The following PTPRN2 variants were observed in gnomAD, a reference collection of about 807,000 sequenced individuals.
The protein encoded by PTPRN2 is protein tyrosine phosphatase receptor type N2.
A neutral mutation model predicts 118.8 loss-of-function variants in PTPRN2; 74 were observed. The observed-to-expected ratio is 0.62, with a 90% CI of 0.52 to 0.76. The LOEUF (loss-of-function observed/expected upper bound fraction) is 0.76, where lower values mean the gene tolerates loss of function less well. PTPRN2 is among the 30% of genes least tolerant of loss of function. The probability of loss-of-function intolerance (pLI) is 0.00; values close to 1 mark genes in which losing one functional copy is unlikely to be tolerated. For synonymous variants in PTPRN2, 641 were observed against 608.0 expected (o/e 1.05, Z -0.80); for missense variants, 1,481 against 1,394.4 (o/e 1.06, Z -0.99).
chr7:158,085,591 GATACCCATCCAC>G (rs1813304673), intron 10 of PTPRN2, among the ~76,000 whole-genome samples: 1 of 63,930 alleles, frequency 1.6e-5, no homozygotes. Flanking sequence ...CGCCCATCCA[GATACCCATCCAC>G]ACCCACGACG....
At chr7:157,681,796 A>T (rs965098355) in intron 13 of PTPRN2, among the ~76,000 whole-genome samples, 4 of 152,256 alleles carry the variant, frequency 2.6e-5, no homozygotes, top group Admixed American at 2.0e-4. Flanking sequence ...ATACGACTGT[A>T]AAAATGATGA....
At chr7:158,154,904 C>T (rs10249331) in intron 6 of PTPRN2, among the ~76,000 whole-genome samples, 94,420 of 152,016 alleles carry the variant, frequency 0.62, 30,356 homozygotes, top group East Asian at 0.79. Flanking sequence ...GAAGCATCCA[C>T]TACCTGCCAT....
At chr7:158,430,204 C>G (rs1816055466) in intron 2 of PTPRN2, among the ~76,000 whole-genome samples, 1 of 152,216 alleles carries the variant, frequency 6.6e-6, no homozygotes, top group Non-Finnish European at 1.5e-5. Flanking sequence ...CCACGCCCAG[C>G]TGGGACATGA....
intron 21 of PTPRN2, among the ~76,000 whole-genome samples, chr7:157,559,698 C>A (rs1255271711): frequency 2.6e-5 from 4 of 152,266 alleles, no homozygotes; most frequent in East Asian, 3.9e-4. Flanking sequence ...CCAACGGGAA[C>A]CTTGGAGGGC....
intron 6 of PTPRN2, among the ~76,000 whole-genome samples, chr7:158,156,010 G>A (rs1342669763): frequency 6.6e-6 from 1 of 152,190 alleles, no homozygotes. Flanking sequence ...ATGCCAGCAT[G>A]TTGTCTATTT....
In PTPRN2 at chr7:157,947,726, T is replaced by A. The variant is rs566527701; in HGVS notation, c.1724-48989A>T. ...TCCAAGAAGCTCAACTAACTCCAAG[T>A]AGAATTGATTCAAAGAGATCCATGC... On this transcript the variant is annotated intron_variant, in intron 11 of 22. Coordinates refer to ENST00000389418, the MANE Select transcript of PTPRN2 (RefSeq NM_002847.5). Among the ~76,000 whole-genome samples the A allele has an allele frequency of 1.4e-3, 216 of 152,288 alleles. 8 individuals carry two copies. The South Asian group carries it at 0.043, about 30-fold the overall frequency.
At chr7:157,704,203 C>A (rs1287958725) in intron 12 of PTPRN2, among the ~76,000 whole-genome samples, 1 of 152,222 alleles carries the variant, frequency 6.6e-6, no homozygotes, top group Non-Finnish European at 1.5e-5. Flanking sequence ...GCCTCAGTTT[C>A]TCTCCCTGAA....
intron 11 of PTPRN2, among the ~76,000 whole-genome samples, chr7:157,989,601 G>A (rs1292480608): frequency 1.3e-5 from 2 of 151,976 alleles, no homozygotes; most frequent in East Asian, 3.9e-4. Flanking sequence ...GTGCGTCTAA[G>A]GGGTGGAGGG....
chr7:158,576,376 C>T (rs1828316126), intron 1 of PTPRN2, among the ~76,000 whole-genome samples: 1 of 152,216 alleles, frequency 6.6e-6, no homozygotes, highest in Non-Finnish European at 1.5e-5. Context: ...TGCCTCAAAG[C>T]CTTTTTTAAG....
At chr7:157,848,332 T>C (rs1434153742) in intron 12 of PTPRN2, among the ~76,000 whole-genome samples, 1 of 150,746 alleles carries the variant, frequency 6.6e-6, no homozygotes. Flanking sequence ...CCTCTCTCAC[T>C]CCCTCATGGG....
chr7:158,326,008 G>T (rs1205995612), intron 2 of PTPRN2, among the ~76,000 whole-genome samples: 2 of 152,200 alleles, frequency 1.3e-5, no homozygotes, highest in Non-Finnish European at 2.9e-5. Context: ...CCCAGGCACT[G>T]AACCCAGAGC....
chr7:157,926,412 T>C (rs1365312826), intron 11 of PTPRN2, among the ~76,000 whole-genome samples: 2 of 152,266 alleles, frequency 1.3e-5, no homozygotes, highest in Non-Finnish European at 2.9e-5. Context: ...ATCTACTATG[T>C]GCCAGTTCTG....
At chr7:157,860,142 T>C (rs1488658164) in intron 12 of PTPRN2, among the ~76,000 whole-genome samples, 1 of 152,188 alleles carries the variant, frequency 6.6e-6, no homozygotes, top group African/African-American at 2.4e-5. Flanking sequence ...AGCAGCCCAC[T>C]GGGGGAGCCT....
intron 12 of PTPRN2, among the ~76,000 whole-genome samples, chr7:157,870,502 T>C (rs1351548459): frequency 6.6e-6 from 1 of 152,262 alleles, no homozygotes; most frequent in Non-Finnish European, 1.5e-5. Flanking sequence ...CCTTCAATTT[T>C]AGCAGAATTC....
intron 11 of PTPRN2, among the ~76,000 whole-genome samples, chr7:158,073,307 G>A (rs113041708): frequency 1.3e-4 from 20 of 152,312 alleles, no homozygotes; most frequent in East Asian, 5.8e-4. Flanking sequence ...TGTGAGCCGC[G>A]GCTGCAGGAG....
At chr7:157,930,903 T>G (rs1284818291) in intron 11 of PTPRN2, among the ~76,000 whole-genome samples, 2 of 152,206 alleles carry the variant, frequency 1.3e-5, no homozygotes, top group Non-Finnish European at 2.9e-5. Context: ...TTTTTCGTTT[T>G]TTTTTGTTTT....
chr7:158,026,558 T>C (rs186807088), intron 11 of PTPRN2, among the ~76,000 whole-genome samples: 23 of 152,352 alleles, frequency 1.5e-4, no homozygotes, highest in African/African-American at 5.5e-4. Context: ...CTTGTGTTCA[T>C]AGTTCTTACA....
chr7:157,671,653 G>A lies in PTPRN2; in HGVS notation c.2001+11072C>T, dbSNP rs1158185102. On this transcript the variant is annotated intron_variant, in intron 13 of 22. Coordinates refer to ENST00000389418, the MANE Select transcript of PTPRN2 (RefSeq NM_002847.5). This position sits in a 1 kb window ranked among gnomAD's most constrained non-coding sequence, Gnocchi z 4.1. ...CACAGCTTAATTAAGCCAAAGGAAG[G>A]GCAGGGGCATGCGGGCTGGGGGCGG... 2.0e-5 allele frequency among the ~76,000 whole-genome samples: 3 copies of A among 152,146 alleles called. No homozygotes were observed. The highest frequency in any genetic ancestry group is 4.4e-5 in the Non-Finnish European group (3 of 68,026).
At chr7:158,027,052 C>A (rs1807327040) in intron 11 of PTPRN2, among the ~76,000 whole-genome samples, 1 of 152,210 alleles carries the variant, frequency 6.6e-6, no homozygotes, top group Non-Finnish European at 1.5e-5. Flanking sequence ...CATACCGAAC[C>A]TCCATCATCT....
Sources: allele counts gnomAD v4.1 joint callset (sites outside exome capture counted in the v4.1 genomes callset), GRCh38; gene constraint gnomAD v4.1.1; non-coding constraint Gnocchi (gnomAD v3.1); transcripts MANE v1.5; gene names NCBI Gene and HGNC (gene_info 2026-07-23, HGNC 2026-07-21).